The following ICA1 variants were observed in gnomAD, a reference collection of about 807,000 sequenced individuals.
ICA1 encodes the protein 69 kDa islet cell autoantigen.
Under a neutral mutation model 71.0 loss-of-function variants are expected in ICA1, and 40 were observed. The observed-to-expected ratio is 0.56, with a 90% CI of 0.44 to 0.73. The LOEUF is 0.73. ICA1 is among the 30% of genes least tolerant of loss of function. ICA1 has a pLI of 0.00. For synonymous variants in ICA1, 207 were observed against 209.5 expected (o/e 0.99, Z 0.10); for missense variants, 578 against 576.5 (o/e 1.00, Z -0.03).
chr7:8,142,789 G>A (rs1483223349), intron 9 of ICA1, among the ~76,000 whole-genome samples: 2 of 152,156 alleles, frequency 1.3e-5, no homozygotes, highest in Admixed American at 1.3e-4. Flanking sequence ...ATGATAGCTA[G>A]CACTATTACC....
chr7:8,236,102 CT>C, intron 1 of ICA1, 97 bp from the exon 2 acceptor site: 1 of 651,606 alleles, frequency 1.5e-6, no homozygotes, highest in Non-Finnish European at 2.6e-6. Flanking sequence ...CCATTTCTAG[CT>C]GTATTTTAGG....
At chr7:8,133,842 C>G (rs543352855) in intron 12 of ICA1, among the ~76,000 whole-genome samples, 1 of 136,038 alleles carries the variant, frequency 7.4e-6, no homozygotes, top group South Asian at 2.4e-4. Context: ...TGAGAAAAAT[C>G]ATACTTTTTT....
At chr7:8,237,040 T>C (rs557919323) in intron 1 of ICA1, 1 of 152,322 alleles carries the variant, frequency 6.6e-6, no homozygotes, top group Admixed American at 6.5e-5. Context: ...GGGGACAAAA[T>C]TACGATGTGC....
At chr7:8,166,845 T>C (rs1806172128) in intron 6 of ICA1, among the ~76,000 whole-genome samples, 1 of 152,056 alleles carries the variant, frequency 6.6e-6, no homozygotes, top group South Asian at 2.1e-4. Context: ...ACAGACACTA[T>C]TCAAAAGAAG....
In ICA1 at chr7:8,155,323, C is replaced by T. The variant is rs79322195; in HGVS notation, c.804+1793G>A. On this transcript the variant is annotated intron_variant, in intron 8 of 13. Coordinates refer to ENST00000402384, the MANE Select transcript of ICA1 (RefSeq NM_001136020.3). ...ATATTTGTAAGTATGTCCTGAACCA[C>T]TGCTGTCAAACTTTCACTAAATTCT... 7.0e-3 allele frequency among the ~76,000 whole-genome samples: 1,067 copies of T among 152,340 alleles called. 6 individuals are homozygous for T. The highest frequency in any genetic ancestry group is 0.025 in the African/African-American group (1,024 of 41,594).
intron 1 of ICA1, among the ~76,000 whole-genome samples, chr7:8,252,486 C>T (rs1220770015): frequency 1.3e-5 from 2 of 152,086 alleles, no homozygotes; most frequent in African/African-American, 4.8e-5. Flanking sequence ...TTGACTTTAT[C>T]ATCTAAGACT....
At chr7:8,237,170 C>G (rs559914490) in intron 1 of ICA1, among the ~76,000 whole-genome samples, 1 of 152,178 alleles carries the variant, frequency 6.6e-6, no homozygotes, top group African/African-American at 2.4e-5. Context: ...GGAGAGCATC[C>G]AAATATCTGG....
At chr7:8,202,094 C>T (rs1430967018) in intron 6 of ICA1, among the ~76,000 whole-genome samples, 1 of 152,180 alleles carries the variant, frequency 6.6e-6, no homozygotes, top group South Asian at 2.1e-4. Flanking sequence ...TAAAACAGTA[C>T]AGAGGAAGCC....
intron 1 of ICA1, among the ~76,000 whole-genome samples, chr7:8,236,557 C>T (rs1345136402): frequency 1.3e-5 from 2 of 152,050 alleles, no homozygotes; most frequent in African/African-American, 4.8e-5. Flanking sequence ...CAAACCAGCA[C>T]ATTGCAAAAA....
intron 6 of ICA1, among the ~76,000 whole-genome samples, chr7:8,190,029 T>C (rs1785093625): frequency 6.6e-6 from 1 of 152,256 alleles, no homozygotes; most frequent in Non-Finnish European, 1.5e-5. Flanking sequence ...TTTGTACTCC[T>C]GGACCAGAAC....
At chr7:8,182,954 T>C (rs907477596) in intron 6 of ICA1, among the ~76,000 whole-genome samples, 2 of 152,198 alleles carry the variant, frequency 1.3e-5, no homozygotes, top group Non-Finnish European at 2.9e-5. Context: ...AGCTTCCCAG[T>C]AAAAACATTA....
chr7:8,135,322 C>A (rs11983637), intron 12 of ICA1, among the ~76,000 whole-genome samples: 3 of 151,952 alleles, frequency 2.0e-5, no homozygotes, highest in Admixed American at 1.3e-4. Flanking sequence ...CCACCGCGCC[C>A]GGCCAGAATC....
chr7:8,164,938 C>T (rs1227067353), intron 6 of ICA1, among the ~76,000 whole-genome samples: 1 of 152,094 alleles, frequency 6.6e-6, no homozygotes, highest in East Asian at 1.9e-4. Context: ...ATTTGCCAGG[C>T]TGGTGGCACC....
intron 6 of ICA1, among the ~76,000 whole-genome samples, chr7:8,200,496 T>C (rs368483880): frequency 1.4e-4 from 22 of 152,054 alleles, no homozygotes; most frequent in African/African-American, 5.1e-4. Flanking sequence ...AAGGAACAGA[T>C]TGACTTCCTG....
chr7:8,129,972 G>A, intron 12 of ICA1, among the ~76,000 whole-genome samples: 1 of 41,676 alleles, frequency 2.4e-5, no homozygotes, highest in Non-Finnish European at 5.6e-5. Flanking sequence ...TTTGTCCTTG[G>A]CGATAGTTTG....
At chr7:8,151,094 T>G (rs889402202) in intron 8 of ICA1, among the ~76,000 whole-genome samples, 2 of 152,254 alleles carry the variant, frequency 1.3e-5, no homozygotes, top group African/African-American at 4.8e-5. Flanking sequence ...AGCAGTACTA[T>G]TAATTACAAT....
At chr7:8,201,126 G>A (rs1024550871) in intron 6 of ICA1, among the ~76,000 whole-genome samples, 1 of 152,194 alleles carries the variant, frequency 6.6e-6, no homozygotes, top group Non-Finnish European at 1.5e-5. Context: ...GCATGTCTAT[G>A]TGCCTGACCT....
intron 4 of ICA1, among the ~76,000 whole-genome samples, chr7:8,224,062 A>G (rs1797884285): frequency 6.6e-6 from 1 of 152,196 alleles, no homozygotes; most frequent in South Asian, 2.1e-4. Flanking sequence ...TACAGAGCTT[A>G]TATTCAAGCA....
chr7:8,200,338 C>CAAAAAAAAAAAAAAAA (rs34371233), intron 6 of ICA1, among the ~76,000 whole-genome samples: 1 of 67,962 alleles, frequency 1.5e-5, no homozygotes. Flanking sequence ...CACAGTTGAG[C>CAAAAAAAAAAAAAAAA]AAAAAAAAAA....
Sources: gnomAD v4.1 joint callset for allele counts (sites outside exome capture counted in the v4.1 genomes callset) on GRCh38, gnomAD v4.1.1 for gene constraint, MANE v1.5 for transcripts, NCBI Gene and HGNC (gene_info 2026-07-23, HGNC 2026-07-21) for gene names.